PKHD1: variants seen among roughly 807,000 people sequenced by gnomAD.
The protein encoded by PKHD1 is fibrocystin.
A neutral mutation model predicts 412.0 loss-of-function variants in PKHD1; 291 were observed. The observed-to-expected ratio is 0.71, with a 90% CI of 0.64 to 0.78. The LOEUF is 0.78. PKHD1 is among the 30% of genes least tolerant of loss of function. The pLI is 0.00. For missense variants in PKHD1, 4,825 were observed against 4,950.7 expected (o/e 0.97, Z 0.76); for synonymous variants, 1,777 against 1,821.5 (o/e 0.98, Z 0.62).
intron 52 of PKHD1, among the ~76,000 whole-genome samples, chr6:51,808,122 T>C (rs1764127618): frequency 6.6e-6 from 1 of 152,198 alleles, no homozygotes; most frequent in Admixed American, 6.5e-5. Context: ...GGAATAATCA[T>C]ATCTTTCTAT....
At chr6:51,688,259 C>T (rs896717323) in intron 60 of PKHD1, among the ~76,000 whole-genome samples, 2 of 152,184 alleles carry the variant, frequency 1.3e-5, no homozygotes, top group Non-Finnish European at 2.9e-5. Context: ...GTTTGTTAAA[C>T]ACAACCCCAT....
chr6:52,057,202 C>T (rs1397334095), intron 16 of PKHD1, among the ~76,000 whole-genome samples: 2 of 152,210 alleles, frequency 1.3e-5, no homozygotes, highest in Non-Finnish European at 2.9e-5. Context: ...TTTATCTGTG[C>T]CCCTTGATTG....
At chr6:51,965,373 T>C (rs1024576619) in intron 35 of PKHD1, among the ~76,000 whole-genome samples, 5 of 152,086 alleles carry the variant, frequency 3.3e-5, no homozygotes, top group Admixed American at 1.3e-4. Context: ...ACACAACAGA[T>C]GACACAGGCT....
chr6:51,701,669 A>C (rs1779412225), intron 60 of PKHD1, among the ~76,000 whole-genome samples: 1 of 152,076 alleles, frequency 6.6e-6, no homozygotes, highest in Non-Finnish European at 1.5e-5. Context: ...AAGGATTAGA[A>C]ATAGATATAG....
Position 51,904,007 on chromosome 6 carries a change from C to A in PKHD1, c.6844G>T (p.Ala2282Ser). The change falls in exon 42 of 67, where the codon GCA becomes TCA. Residue 2282 changes from alanine to serine, a missense_variant. Ala to Ser is a moderately conservative substitution (Grantham distance 99). Transcript: ENST00000371117. ...CTEMRYISWE[A>S]IHGRKDDWSG... ...TTACCATCTTTCCTTCCATGAATTG[C>A]CTCCCAGGAGATATATCTCATCTCC... 1 of 1,591,330 alleles carries A rather than the reference C, an allele frequency of 6.3e-7. No homozygotes were observed.
At chr6:51,994,280 G>A (rs899206595) in intron 35 of PKHD1, among the ~76,000 whole-genome samples, 1 of 152,014 alleles carries the variant, frequency 6.6e-6, no homozygotes, top group East Asian at 1.9e-4. Flanking sequence ...GACTACAGGC[G>A]CCTGCCACCG....
chr6:52,039,542 G>A (rs750627735), intron 27 of PKHD1, among the ~76,000 whole-genome samples: 12 of 152,198 alleles, frequency 7.9e-5, no homozygotes, highest in Non-Finnish European at 1.8e-4. Flanking sequence ...ATAGCCTGCT[G>A]AACTGTGAGT....
At chr6:51,714,786 T>C (rs185262914) in intron 60 of PKHD1, among the ~76,000 whole-genome samples, 3 of 152,164 alleles carry the variant, frequency 2.0e-5, no homozygotes, top group Admixed American at 1.3e-4. Context: ...TTGTTATCTA[T>C]TTTTTTGTTC....
intron 27 of PKHD1, among the ~76,000 whole-genome samples, chr6:52,038,314 G>T (rs1042150050): frequency 7.9e-5 from 12 of 151,456 alleles, no homozygotes; most frequent in Non-Finnish European, 1.5e-4. Context: ...GGCAAAGGTT[G>T]CAGTGAGCTG....
intron 53 of PKHD1, among the ~76,000 whole-genome samples, chr6:51,782,032 AAT>A (rs1403158473): frequency 8.2e-6 from 1 of 121,656 alleles, no homozygotes; most frequent in Non-Finnish European, 1.8e-5. Flanking sequence ...TGCAAAATTA[AAT>A]AGTTTATAAT....
At chr6:51,994,560 T>G (rs561774114) in intron 35 of PKHD1, among the ~76,000 whole-genome samples, 1 of 152,302 alleles carries the variant, frequency 6.6e-6, no homozygotes, top group African/African-American at 2.4e-5. Flanking sequence ...TTTGTTTTTT[T>G]GGGTTTGTTG....
intron 18 of PKHD1, 147 bp downstream of exon 18, chr6:52,056,551 C>T (rs1562247944): frequency 5.6e-6 from 4 of 714,714 alleles, no homozygotes; most frequent in South Asian, 1.6e-5. Flanking sequence ...GTGCCAGTCC[C>T]TCAGCCACTC....
chr6:51,794,226 G>A (rs1168747206), intron 52 of PKHD1, among the ~76,000 whole-genome samples: 1 of 151,834 alleles, frequency 6.6e-6, no homozygotes, highest in African/African-American at 2.4e-5. Context: ...TAGCCATTCT[G>A]ACTGGTATGA....
At chr6:51,971,423 C>T (rs1793648456) in intron 35 of PKHD1, among the ~76,000 whole-genome samples, 1 of 152,166 alleles carries the variant, frequency 6.6e-6, no homozygotes. Context: ...AGGTTATTCG[C>T]TCACTGCATA....
At position 51,648,716 on chromosome 6, in the gene PKHD1, G is replaced by A. The variant is rs559893959; in HGVS notation, c.11310+369C>T. ...ATTTTAAAAAACGTAAAACTGTAAT[G>A]TATCTATAATGTCATAAGTTCCTTC... On this transcript the variant is annotated intron_variant, in intron 62 of 66. Coordinates refer to ENST00000371117, the MANE Select transcript of PKHD1 (RefSeq NM_138694.4). Among the ~76,000 whole-genome samples the A allele has an allele frequency of 3.9e-5, 6 of 152,262 alleles. No individual in the cohort carries two copies. In the East Asian group the frequency reaches 5.8e-4, roughly 15 times the overall value.
chr6:51,950,351 C>G (rs1403328920), intron 36 of PKHD1, among the ~76,000 whole-genome samples: 1 of 151,756 alleles, frequency 6.6e-6, no homozygotes, highest in Non-Finnish European at 1.5e-5. Context: ...ACTAAAAATG[C>G]TGTGCTCAAG....
intron 66 of PKHD1, among the ~76,000 whole-genome samples, 182 bp from the exon 67 acceptor site, chr6:51,619,702 T>A (rs1766370917): frequency 6.6e-6 from 1 of 152,166 alleles, no homozygotes; most frequent in Non-Finnish European, 1.5e-5. Flanking sequence ...TTGGTAATAC[T>A]TCTTCCTCAA....
At chr6:51,844,326 C>T (rs527979227) in intron 50 of PKHD1, among the ~76,000 whole-genome samples, 1 of 152,308 alleles carries the variant, frequency 6.6e-6, no homozygotes, top group South Asian at 2.1e-4. Flanking sequence ...CATGAGCTTT[C>T]CAAAAAAACT....
At chr6:51,918,441 A>G (rs1339188369) in intron 37 of PKHD1, among the ~76,000 whole-genome samples, 3 of 151,710 alleles carry the variant, frequency 2.0e-5, no homozygotes, top group Non-Finnish European at 2.9e-5. Flanking sequence ...GAGTGAGAAC[A>G]TGTGTTTGAT....
Sources: allele counts gnomAD v4.1 joint callset (sites outside exome capture counted in the v4.1 genomes callset), GRCh38; gene constraint gnomAD v4.1.1; transcripts MANE v1.5; gene names NCBI Gene and HGNC (gene_info 2026-07-23, HGNC 2026-07-21).